The following RASGRP3 variants were observed in gnomAD, a reference collection of about 807,000 sequenced individuals.
RASGRP3 encodes the protein ras guanyl-releasing protein 3.
A neutral mutation model predicts 82.7 loss-of-function variants in RASGRP3; 54 were observed. That is an observed-to-expected ratio of 0.65 (90% CI 0.52 to 0.82). The LOEUF (loss-of-function observed/expected upper bound fraction) is 0.82, where lower values mean the gene tolerates loss of function less well. RASGRP3 is among the 40% of genes least tolerant of loss of function. RASGRP3 has a pLI of 0.00. For missense variants in RASGRP3, 861 were observed against 828.9 expected (o/e 1.04, Z -0.48); for synonymous variants, 309 against 300.5 (o/e 1.03, Z -0.29).
intron 1 of RASGRP3, among the ~76,000 whole-genome samples, chr2:33,488,406 A>C (rs1394431176): frequency 2.0e-5 from 3 of 152,220 alleles, no homozygotes; most frequent in Non-Finnish European, 4.4e-5. Context: ...GGAACACAGA[A>C]GATGCTTTAT....
At chr2:33,516,428 T>C in intron 3 of RASGRP3, 114 bp from the exon 4 acceptor site, 1 of 657,106 alleles carries the variant, frequency 1.5e-6, no homozygotes, top group South Asian at 2.1e-5. Context: ...AAATAAAAGA[T>C]CATTTGTCTA....
intron 2 of RASGRP3, among the ~76,000 whole-genome samples, chr2:33,464,107 AATAATT>A (rs919125502): frequency 4.2e-5 from 6 of 142,554 alleles, no homozygotes; most frequent in African/African-American, 1.1e-4. Context: ...TAATAATAAT[AATAATT>A]ATTATTATTA....
intron 11 of RASGRP3, among the ~76,000 whole-genome samples, chr2:33,538,459 T>G (rs1228272308): frequency 6.6e-6 from 1 of 151,818 alleles, no homozygotes; most frequent in Non-Finnish European, 1.5e-5. Flanking sequence ...GCCGAGATCA[T>G]GCCACTGCAC....
intron 1 of RASGRP3, among the ~76,000 whole-genome samples, chr2:33,509,227 G>A (rs1558461967): frequency 6.6e-6 from 1 of 152,012 alleles, no homozygotes. Flanking sequence ...ATGGGGAAAT[G>A]TCCGTTTCTA....
intron 2 of RASGRP3, among the ~76,000 whole-genome samples, chr2:33,513,696 G>T (rs1283850946): frequency 6.6e-6 from 1 of 152,304 alleles, no homozygotes; most frequent in South Asian, 2.1e-4. Context: ...AAAATAAAGT[G>T]ATAATGTCTA....
At chr2:33,455,013 A>G (rs1264945859) in intron 2 of RASGRP3, among the ~76,000 whole-genome samples, 1 of 152,198 alleles carries the variant, frequency 6.6e-6, no homozygotes, top group Non-Finnish European at 1.5e-5. Context: ...ATCTGGGCCA[A>G]GGTAGGGGGG....
chr2:33,469,010 G>A (rs1217574691), intron 2 of RASGRP3, among the ~76,000 whole-genome samples: 1 of 141,766 alleles, frequency 7.1e-6, no homozygotes, highest in Admixed American at 7.4e-5. Flanking sequence ...CAAACCTCCT[G>A]CCAACACTGA....
intron 2 of RASGRP3, among the ~76,000 whole-genome samples, chr2:33,459,235 A>C (rs528357309): frequency 6.6e-6 from 1 of 151,790 alleles, no homozygotes; most frequent in African/African-American, 2.4e-5. Flanking sequence ...CCCGGGTTCA[A>C]GCCATTCTCC....
At chr2:33,447,445 T>C (rs534603582) in intron 1 of RASGRP3, among the ~76,000 whole-genome samples, 2 of 151,894 alleles carry the variant, frequency 1.3e-5, no homozygotes, top group East Asian at 3.9e-4. Context: ...TGCACATTTT[T>C]TTTTTTTTGA....
intron 13 of RASGRP3, among the ~76,000 whole-genome samples, chr2:33,547,055 A>G (rs1281839252): frequency 1.9e-4 from 10 of 53,958 alleles, no homozygotes; most frequent in Admixed American, 1.1e-3. Context: ...GTCTCAGGGA[A>G]AAAAAAAAAA....
chr2:33,438,419 G>A (rs1665039835), intron 1 of RASGRP3, among the ~76,000 whole-genome samples: 1 of 152,044 alleles, frequency 6.6e-6, no homozygotes. Context: ...AAAATTAGCT[G>A]GGCGTGGTGG....
At chr2:33,549,181 G>A (rs1348213710) in intron 13 of RASGRP3, among the ~76,000 whole-genome samples, 2 of 152,154 alleles carry the variant, frequency 1.3e-5, no homozygotes, top group African/African-American at 4.8e-5. Context: ...GCATCAAGCT[G>A]AATGAATTTG....
intron 2 of RASGRP3, among the ~76,000 whole-genome samples, chr2:33,468,255 C>G (rs978568517): frequency 2.0e-5 from 3 of 152,004 alleles, no homozygotes; most frequent in Non-Finnish European, 4.4e-5. Context: ...GAAATAATCA[C>G]TATTAAAAAT....
At position 33,534,304 on chromosome 2, in the gene RASGRP3, C is replaced by T. The variant is rs1373048859; in HGVS notation, c.1084-19C>T. 18 of 1,487,548 alleles carry T rather than the reference C, an allele frequency of 1.2e-5. No individual in the cohort carries two copies. The highest frequency in any genetic ancestry group is 1.7e-5 in the Non-Finnish European group (18 of 1,071,720). 92.1% of individuals were successfully genotyped at this position (1,487,548 alleles called of 1,614,324 possible). ...ATAAATGTAATCCGACATTTTTATC[C>T]CTTCTAATTTTGTTGTAGCTTTCCC... On this transcript the variant is annotated intron_variant, in intron 10 of 17. Coordinates refer to ENST00000403687, the MANE Select transcript of RASGRP3 (RefSeq NM_001139488.2).
intron 2 of RASGRP3, among the ~76,000 whole-genome samples, chr2:33,458,488 C>G (rs1666167528): frequency 6.6e-6 from 1 of 152,180 alleles, no homozygotes; most frequent in Non-Finnish European, 1.5e-5. Context: ...CCTCTCACTA[C>G]AAAGCCCCAG....
chr2:33,491,849 C>T (rs1405204636), intron 1 of RASGRP3, among the ~76,000 whole-genome samples: 1 of 152,228 alleles, frequency 6.6e-6, no homozygotes, highest in Admixed American at 6.5e-5. Flanking sequence ...GCACAGCAGC[C>T]CGTGGCTGAG....
At chr2:33,517,585 C>T (rs1262967925) in intron 4 of RASGRP3, among the ~76,000 whole-genome samples, 1 of 152,182 alleles carries the variant, frequency 6.6e-6, no homozygotes, top group Non-Finnish European at 1.5e-5. Context: ...ATCCTCCTCA[C>T]AACCTCAGAG....
In RASGRP3 at chr2:33,519,977, T is replaced by G. The variant is rs985985680; in HGVS notation, c.199T>G (p.Cys67Gly). The G allele has an allele frequency of 1.7e-5, 27 of 1,610,476 alleles. No homozygotes were observed. The highest frequency in any genetic ancestry group is 2.0e-5 in the Non-Finnish European group (23 of 1,178,374). ...GTATCGAAATGCCACTGGAGAAAGC[T>G]GCAATGAATTTCGATTAAAGATCTG... ...CMYRNATGES[C>G]NEFRLKICYF... The change falls in exon 5 of 18, where the codon TGC becomes GGC. Residue 67 changes from cysteine (C) to glycine (G), a missense_variant. By Grantham distance (159) the Cys-to-Gly change is radical. Transcript: ENST00000403687.
chr2:33,526,673 G>C (rs2151034825), intron 9 of RASGRP3, among the ~76,000 whole-genome samples: 1 of 152,294 alleles, frequency 6.6e-6, no homozygotes, highest in Non-Finnish European at 1.5e-5. Context: ...CACCCTTCTA[G>C]TTAGGCAGAA....
Sources: gnomAD v4.1 joint callset for allele counts (sites outside exome capture counted in the v4.1 genomes callset) on GRCh38, gnomAD v4.1.1 for gene constraint, MANE v1.5 for transcripts, NCBI Gene and HGNC (gene_info 2026-07-23, HGNC 2026-07-21) for gene names.